MAP4K3: variants seen among roughly 807,000 people sequenced by gnomAD.
MAP4K3 encodes the protein mitogen-activated protein kinase kinase kinase kinase 3.
Under a neutral mutation model 143.5 loss-of-function variants are expected in MAP4K3, and 94 were observed. That is an observed-to-expected ratio of 0.65 (90% CI 0.55 to 0.78). The LOEUF (loss-of-function observed/expected upper bound fraction) is 0.78, where lower values mean the gene tolerates loss of function less well. Among genes scored for constraint, MAP4K3 ranks in the 30% least tolerant of loss-of-function variants. The pLI, the probability that MAP4K3 is intolerant of heterozygous loss-of-function variation, is 0.00. For synonymous variants in MAP4K3, 416 were observed against 347.2 expected, an observed-to-expected ratio of 1.20 and a Z score of -2.20; for missense variants, 1,077 against 1,068.1, an observed-to-expected ratio of 1.01 and a Z score of -0.12.
At chr2:39,332,450 A>G (rs1337292403) in intron 7 of MAP4K3, among the ~76,000 whole-genome samples, 5 of 152,004 alleles carry the variant, frequency 3.3e-5, no homozygotes, top group Non-Finnish European at 5.9e-5. Context: ...AAGACATCCA[A>G]TCAGAATATC....
chr2:39,285,889 A>G (rs1008997232), intron 21 of MAP4K3, among the ~76,000 whole-genome samples: 2 of 152,198 alleles, frequency 1.3e-5, no homozygotes, highest in Non-Finnish European at 2.9e-5. Context: ...TTGTAAGTCA[A>G]TTCTTTACAA....
chr2:39,364,964 T>C (rs747656666), intron 2 of MAP4K3, among the ~76,000 whole-genome samples: 32 of 151,654 alleles, frequency 2.1e-4, no homozygotes, highest in Non-Finnish European at 2.9e-4. Flanking sequence ...TTGTCAGACC[T>C]ATGAAGTGCC....
At chr2:39,377,076 T>C (rs1466855595) in intron 2 of MAP4K3, among the ~76,000 whole-genome samples, 1 of 152,148 alleles carries the variant, frequency 6.6e-6, no homozygotes, top group African/African-American at 2.4e-5. Flanking sequence ...ATTTTCATTT[T>C]AATATCACTT....
At chr2:39,337,752 GTTTTTTTTTTTTTT>G (rs570853243) in intron 4 of MAP4K3, among the ~76,000 whole-genome samples, 171 bp from the exon 5 acceptor site, 4 of 70,518 alleles carry the variant, frequency 5.7e-5, no homozygotes, top group South Asian at 7.6e-4. Flanking sequence ...CCTGGCTCCA[GTTTTTTTTTTTTTT>G]TTTTTTTTTT....
chr2:39,348,412 A>G (rs904771871), intron 3 of MAP4K3, among the ~76,000 whole-genome samples: 9 of 152,160 alleles, frequency 5.9e-5, no homozygotes, highest in African/African-American at 2.2e-4. Context: ...CTTTTATAAT[A>G]TTCTATTTAG....
intron 1 of MAP4K3, among the ~76,000 whole-genome samples, chr2:39,434,660 T>G (rs892931047): frequency 1.3e-5 from 2 of 152,228 alleles, no homozygotes; most frequent in South Asian, 4.1e-4. Flanking sequence ...GCACTGCCAA[T>G]TGGTTAAGAA....
At chr2:39,330,397 T>A (rs1369726721) in intron 8 of MAP4K3, among the ~76,000 whole-genome samples, 1 of 152,076 alleles carries the variant, frequency 6.6e-6, no homozygotes. Flanking sequence ...AGGATACACA[T>A]GCAAAATCTC....
chr2:39,254,458 A>T lies in MAP4K3; in HGVS notation c.2533T>A (p.Ser845Thr). 6.2e-7 allele frequency: 1 copy of T among 1,613,666 alleles called. No individual in the cohort carries two copies. Among genetic ancestry groups the T allele is most frequent in the Non-Finnish European group, 8.5e-7 (1 of 1,179,688 alleles). ...KHGMQGRSFR[S>T]NEVTQEISDS... is the part of the protein sequence containing the mutation. ...GGACATAATTTACTTACCTCATTAG[A>T]TCTAAAACTTCTACCTTGCATTCCA... is the stretch of plus-strand genomic sequence containing the variant. Residue 845 changes from serine (S) to threonine (T), a missense_variant, in exon 32 of 34, where the codon TCT (serine) becomes ACT (threonine). Ser to Thr is a moderately conservative substitution (Grantham distance 58). Around this residue, in one of 2 missense-constraint regions of MAP4K3, gnomAD observed 864 missense variants for 801.2 expected, o/e 1.08. Transcript: ENST00000263881.
intron 26 of MAP4K3, 22 bp downstream of exon 26, chr2:39,272,261 G>A (rs745949033): frequency 9.5e-6 from 14 of 1,475,692 alleles, no homozygotes; most frequent in South Asian, 3.5e-5. Flanking sequence ...ATATCATATT[G>A]CCTCTAAGGA....
At chr2:39,365,091 A>G (rs927889552) in intron 2 of MAP4K3, among the ~76,000 whole-genome samples, 2 of 152,176 alleles carry the variant, frequency 1.3e-5, no homozygotes, top group African/African-American at 2.4e-5. Context: ...TTCAAAATAT[A>G]TCAAAGAAAT....
intron 24 of MAP4K3, among the ~76,000 whole-genome samples, chr2:39,274,699 T>C (rs1681175121): frequency 6.6e-6 from 1 of 152,234 alleles, no homozygotes; most frequent in African/African-American, 2.4e-5. Context: ...TATCAATGAT[T>C]GTGTGATCTT....
intron 6 of MAP4K3, among the ~76,000 whole-genome samples, chr2:39,334,651 T>C (rs890169726): frequency 5.9e-5 from 9 of 152,146 alleles, no homozygotes; most frequent in Non-Finnish European, 1.2e-4. Flanking sequence ...TCAGACTAAC[T>C]TTCCTAAGTT....
intron 8 of MAP4K3, among the ~76,000 whole-genome samples, chr2:39,330,263 G>C (rs1683639194): frequency 6.6e-6 from 1 of 152,010 alleles, no homozygotes; most frequent in African/African-American, 2.4e-5. Flanking sequence ...GATTCTAGGG[G>C]GAGGAGTTAC....
intron 12 of MAP4K3, among the ~76,000 whole-genome samples, chr2:39,322,817 G>A (rs943360644): frequency 2.0e-5 from 3 of 151,674 alleles, no homozygotes; most frequent in Non-Finnish European, 2.9e-5. Context: ...TTACACGCAT[G>A]AGCCACCATG....
At chr2:39,270,862 A>G (rs987069888) in intron 26 of MAP4K3, among the ~76,000 whole-genome samples, 1 of 152,178 alleles carries the variant, frequency 6.6e-6, no homozygotes, top group East Asian at 1.9e-4. Flanking sequence ...AAGGGTTTTT[A>G]GGTTTCCTGC....
intron 23 of MAP4K3, 152 bp from the exon 24 acceptor site, chr2:39,278,638 T>C (rs1424062082): frequency 1.9e-6 from 1 of 525,696 alleles, no homozygotes; most frequent in Non-Finnish European, 3.4e-6. Flanking sequence ...TTAGACACTT[T>C]AGACCCATAA....
At chr2:39,400,533 C>T (rs1294568277) in intron 1 of MAP4K3, among the ~76,000 whole-genome samples, 1 of 152,018 alleles carries the variant, frequency 6.6e-6, no homozygotes, top group African/African-American at 2.4e-5. Context: ...CTTTCTTCCC[C>T]TTCATTTAGT....
At position 39,325,925 on chromosome 2, in the gene MAP4K3, A is replaced by G; in HGVS notation, c.699T>C (p.Pro233=). The change falls in exon 10 of 34, where the codon CCT becomes CCC. Residue 233 remains proline (P), a synonymous_variant. Coordinates refer to ENST00000263881, the MANE Select transcript of MAP4K3 (RefSeq NM_003618.4). ...ATTTCATTTTATCCTTTAGTTTAGGAGGCTGAAAATTGCTTTTTGTCATTA... is the reference window on the plus strand; with the variant it reads ...ATTTCATTTTATCCTTTAGTTTAGGGGGCTGAAAATTGCTTTTTGTCATTA... ...LFLMTKSNFQ[P]PKLKDKMKWS... is the part of the protein sequence containing the mutation. 1 of 1,596,786 alleles carries G rather than the reference A, an allele frequency of 6.3e-7. No individual in the cohort carries two copies. The highest frequency in any genetic ancestry group is 2.2e-5 in the East Asian group (1 of 44,704).
intron 8 of MAP4K3, among the ~76,000 whole-genome samples, chr2:39,331,143 T>C (rs560752813): frequency 1.6e-4 from 25 of 152,232 alleles, no homozygotes; most frequent in Admixed American, 2.6e-4. Flanking sequence ...TGACTGCTGA[T>C]GAGTCAGATG....
Sources: allele counts gnomAD v4.1 joint callset (sites outside exome capture counted in the v4.1 genomes callset), GRCh38; gene constraint gnomAD v4.1.1; regional missense constraint gnomAD v4.1.1; transcripts MANE v1.5; gene names NCBI Gene and HGNC (gene_info 2026-07-23, HGNC 2026-07-21).